Variants in GPC5 observed in about 807,000 individuals in gnomAD.
GPC5 encodes the protein glypican 5, also known as glypican-5.
In GPC5, 47 loss-of-function variants were observed where a neutral mutation model predicts 53.9. That is an observed-to-expected ratio of 0.87 (90% CI 0.69 to 1.11). The LOEUF is 1.11. Ranked by LOEUF, GPC5 falls within the 50% of genes most tolerant of loss-of-function variation. GPC5 has a pLI of 0.00. For synonymous variants in GPC5, 286 were observed against 263.3 expected, an observed-to-expected ratio of 1.09 and a Z score of -0.84; for missense variants, 748 against 713.1, an observed-to-expected ratio of 1.05 and a Z score of -0.56.
At chr13:92,769,900 T>A (rs1199947552) in intron 7 of GPC5, among the ~76,000 whole-genome samples, 2 of 152,190 alleles carry the variant, frequency 1.3e-5, no homozygotes, top group Non-Finnish European at 2.9e-5. Flanking sequence ...AGATTTTAAT[T>A]TTCTAAAAGG....
chr13:91,738,459 G>A (rs342720), intron 4 of GPC5, among the ~76,000 whole-genome samples: 129,141 of 150,754 alleles, frequency 0.86, 55,746 homozygotes, highest in East Asian at 0.98. Context: ...TTATTAAGTG[G>A]TGATAAATCA....
chr13:92,605,576 G>GTTGTT (rs1555294577), intron 7 of GPC5, among the ~76,000 whole-genome samples: 5 of 139,668 alleles, frequency 3.6e-5, no homozygotes, highest in African/African-American at 1.4e-4. Context: ...GTATTCACTA[G>GTTGTT]TTTTTTTTTT....
chr13:92,351,956 G>T (rs1223744274), intron 7 of GPC5, among the ~76,000 whole-genome samples: 2 of 152,150 alleles, frequency 1.3e-5, no homozygotes, highest in Admixed American at 6.5e-5. Context: ...TAAAACTCAA[G>T]AATGTGATTT....
intron 7 of GPC5, among the ~76,000 whole-genome samples, chr13:92,846,965 G>A (rs766965971): frequency 4.0e-4 from 61 of 152,190 alleles, no homozygotes; most frequent in Non-Finnish European, 4.7e-4. Context: ...CCCTCTTTGC[G>A]GGGATAGTGA....
chr13:92,650,281 A>G (rs994232449), intron 7 of GPC5, among the ~76,000 whole-genome samples: 5 of 152,130 alleles, frequency 3.3e-5, no homozygotes, highest in African/African-American at 9.7e-5. Context: ...TGAAACAGCA[A>G]AAGGACTCAT....
intron 7 of GPC5, among the ~76,000 whole-genome samples, chr13:92,306,878 C>T (rs2043114391): frequency 6.6e-6 from 1 of 152,198 alleles, no homozygotes; most frequent in Admixed American, 6.5e-5. Context: ...CTAAGACCTC[C>T]AGGCTACCCA....
intron 6 of GPC5, among the ~76,000 whole-genome samples, chr13:91,975,795 C>A (rs1044293323): frequency 2.0e-5 from 3 of 152,180 alleles, no homozygotes; most frequent in Non-Finnish European, 4.4e-5. Context: ...GATTATAAAT[C>A]ATGCTGCTAT....
At chr13:92,717,668 A>C (rs2139281240) in intron 7 of GPC5, among the ~76,000 whole-genome samples, 1 of 152,320 alleles carries the variant, frequency 6.6e-6, no homozygotes, top group Admixed American at 6.5e-5. Context: ...ATGTATTAAA[A>C]AGTCAAGAGC....
At chr13:92,594,708 A>G (rs1474097037) in intron 7 of GPC5, among the ~76,000 whole-genome samples, 4 of 152,228 alleles carry the variant, frequency 2.6e-5, no homozygotes, top group Non-Finnish European at 2.9e-5. Context: ...ATTTAGCTAA[A>G]GAACTCTGTC....
At chr13:92,040,253 G>C (rs2040931569) in intron 6 of GPC5, among the ~76,000 whole-genome samples, 1 of 152,208 alleles carries the variant, frequency 6.6e-6, no homozygotes, top group African/African-American at 2.4e-5. Flanking sequence ...GTTTTCGCCA[G>C]TCTCTGGTTT....
chr13:92,273,062 TAATTTACTTGAAAATA>T (rs1033655700), intron 7 of GPC5, among the ~76,000 whole-genome samples: 2 of 152,208 alleles, frequency 1.3e-5, no homozygotes, highest in African/African-American at 2.4e-5. Context: ...GATTTGGTGG[TAATTTACTTGAAAATA>T]AATTTACTTG....
intron 7 of GPC5, among the ~76,000 whole-genome samples, chr13:92,357,153 T>G (rs1426843398): frequency 6.6e-6 from 1 of 151,776 alleles, no homozygotes; most frequent in Non-Finnish European, 1.5e-5. Flanking sequence ...GTCTTCGCTG[T>G]GTTAATAGTA....
intron 7 of GPC5, among the ~76,000 whole-genome samples, chr13:92,496,042 C>G (rs980390452): frequency 3.3e-5 from 5 of 152,018 alleles, no homozygotes; most frequent in African/African-American, 2.4e-5. Flanking sequence ...AATGAACTAG[C>G]ATGTATTTTG....
chr13:91,881,331 CTTTT>C (rs1284496416), intron 5 of GPC5, among the ~76,000 whole-genome samples: 1 of 151,808 alleles, frequency 6.6e-6, no homozygotes, highest in Non-Finnish European at 1.5e-5. Context: ...TAATTTATAT[CTTTT>C]TATTTCCTTC....
At chr13:92,693,033 T>G (rs2139237023) in intron 7 of GPC5, among the ~76,000 whole-genome samples, 1 of 152,132 alleles carries the variant, frequency 6.6e-6, no homozygotes, top group Middle Eastern at 3.4e-3. Flanking sequence ...TTAAAAAGTG[T>G]TTGGCAGTTC....
chr13:92,538,272 C>T (rs1406841680), intron 7 of GPC5, among the ~76,000 whole-genome samples: 1 of 151,758 alleles, frequency 6.6e-6, no homozygotes, highest in Non-Finnish European at 1.5e-5. Flanking sequence ...CTCTCCTCCC[C>T]TTTTCCTCCT....
chr13:92,680,623 G>A (rs1887084540), intron 7 of GPC5, among the ~76,000 whole-genome samples: 1 of 152,150 alleles, frequency 6.6e-6, no homozygotes, highest in South Asian at 2.1e-4. Context: ...ATAGTGTGGT[G>A]TAATTAGCAC....
At position 91,961,065 on chromosome 13, in the gene GPC5, A is replaced by T. The variant is rs1024280048; in HGVS notation, c.1401+53008A>T. On this transcript the variant is annotated intron_variant, in intron 6 of 7. Coordinates refer to ENST00000377067, the MANE Select transcript of GPC5 (RefSeq NM_004466.6). ...GGAGCTATATTAAACTTAAAAAAAA[A>T]CTTCTCCATAGAAAAGGAAACAATG... Among the ~76,000 whole-genome samples the T allele has an allele frequency of 4.0e-5, 6 of 151,888 alleles. No individual in the cohort carries two copies. The East Asian group carries it at 1.2e-3, about 29-fold the overall frequency.
At chr13:91,997,814 C>A (rs2040517973) in intron 6 of GPC5, among the ~76,000 whole-genome samples, 1 of 152,194 alleles carries the variant, frequency 6.6e-6, no homozygotes, top group Admixed American at 6.5e-5. Flanking sequence ...GCCACCACAC[C>A]TGGCCCCTCT....
Sources: allele counts gnomAD v4.1 joint callset (sites outside exome capture counted in the v4.1 genomes callset), GRCh38; gene constraint gnomAD v4.1.1; transcripts MANE v1.5; gene names NCBI Gene and HGNC (gene_info 2026-07-23, HGNC 2026-07-21).